TTC9C: variants seen among roughly 807,000 people sequenced by gnomAD.
TTC9C encodes tetratricopeptide repeat domain 9C, also known as tetratricopeptide repeat protein 9C.
Under a neutral mutation model 22.5 loss-of-function variants are expected in TTC9C, and 15 were observed. That is an observed-to-expected ratio of 0.67 (90% CI 0.45 to 1.03). TTC9C has a LOEUF of 1.03. TTC9C is among the 50% of genes least tolerant of loss of function. The probability of loss-of-function intolerance (pLI) is 0.00; values close to 1 mark genes in which losing one functional copy is unlikely to be tolerated. For missense variants in TTC9C, 244 were observed against 214.6 expected, an observed-to-expected ratio of 1.14 and a Z score of -0.86; for synonymous variants, 92 against 86.8, an observed-to-expected ratio of 1.06 and a Z score of -0.33.
Position 62,735,433 on chromosome 11 carries a change from G to C in TTC9C, c.290G>C (p.Ser97Thr). The C allele has an allele frequency of 6.2e-7, 1 of 1,614,120 alleles. No individual in the cohort carries two copies. Among genetic ancestry groups the C allele is most frequent in the African/African-American group, 1.3e-5 (1 of 75,024 alleles). ...AACTACGAACGAGTGAGAGAATATA[G>C]TCAGAAAGTCCTGGAACGACAGCCT... The part of the protein sequence containing the change: ...PVNYERVREY[S>T]QKVLERQPDN... The change falls in exon 2 of 3, where the codon AGT becomes ACT. Residue 97 changes from serine (S) to threonine (T), a missense_variant. Coordinates refer to ENST00000316461, the MANE Select transcript of TTC9C (RefSeq NM_173810.4).
Position 62,738,439 on chromosome 11 carries a change from A to G in TTC9C, c.*57A>G. The G allele has an allele frequency of 4.8e-6, 6 of 1,239,266 alleles. No homozygotes were observed. The highest frequency in any genetic ancestry group is 7.0e-6 in the Non-Finnish European group (6 of 857,318). The allele number at this position is 1,239,266 out of a possible 1,614,324, so 76.8% of individuals were successfully genotyped here. ...TAGGTGGACCATTAAACATGCATGA[A>G]GGAGAAATCTGAGCCTCAGCAAGAG... On this transcript the variant is annotated 3_prime_UTR_variant, in exon 3 of 3. Transcript: ENST00000316461.
intron 1 of TTC9C, among the ~76,000 whole-genome samples, chr11:62,731,441 A>G (rs928690797): frequency 1.3e-5 from 2 of 152,088 alleles, no homozygotes; most frequent in African/African-American, 4.8e-5. Context: ...TACAAAAAAT[A>G]CAAAAATTAG....
rs1006299249 is a variant in TTC9C, at chr11:62,728,772, C to T, written c.-77C>T. ...GCCTCCTTAAATTGGCTGCTACTGT[C>T]AGTTATTTTGCTCCCAACCCCAGAG... On this transcript the variant is annotated 5_prime_UTR_variant, in exon 1 of 3. Coordinates refer to ENST00000316461, the MANE Select transcript of TTC9C (RefSeq NM_173810.4). 16 of 1,421,962 alleles carry T rather than the reference C, an allele frequency of 1.1e-5. No homozygotes were observed. The highest frequency in any genetic ancestry group is 1.4e-5 in the Non-Finnish European group (14 of 1,009,228). 88.1% of individuals were successfully genotyped at this position (1,421,962 alleles called of 1,614,324 possible).
rs1164356686 is a variant in TTC9C at position 62,728,524 on chromosome 11, G to T, written c.-325G>T. 2.0e-6 allele frequency: 1 copy of T among 497,398 alleles called. No individual in the cohort carries two copies. The highest frequency in any genetic ancestry group is 3.9e-6 in the Non-Finnish European group (1 of 254,468). The allele number at this position is 497,398 out of a possible 1,614,324, so 30.8% of individuals were successfully genotyped here. A position where few individuals can be genotyped will look rare whatever the true frequency, so the allele number is the denominator to read the frequency against. ...TTCTCACGCCCGCAACAATTCCTGA[G>T]TAGGGCCTTGCTTGAGTTCTTCGGA... On this transcript the variant is annotated 5_prime_UTR_variant, in exon 1 of 3. Transcript: ENST00000316461.
In TTC9C at chr11:62,728,774, G is replaced by C. The variant is rs761574323; in HGVS notation, c.-75G>C. On this transcript the variant is annotated 5_prime_UTR_variant, in exon 1 of 3. Coordinates refer to ENST00000316461, the MANE Select transcript of TTC9C (RefSeq NM_173810.4). ...CTCCTTAAATTGGCTGCTACTGTCAGTTATTTTGCTCCCAACCCCAGAGCT... is the reference window on the plus strand; with the variant it reads ...CTCCTTAAATTGGCTGCTACTGTCACTTATTTTGCTCCCAACCCCAGAGCT... 27 of 1,470,930 alleles carry C rather than the reference G, an allele frequency of 1.8e-5. No homozygotes were observed. The highest frequency in any genetic ancestry group is 2.2e-5 in the Non-Finnish European group (23 of 1,053,420). 91.1% of individuals were successfully genotyped at this position (1,470,930 alleles called of 1,614,324 possible).
In TTC9C at chr11:62,735,486, G is replaced by A. The variant is rs1043150410; in HGVS notation, c.343G>A (p.Gly115Arg). 9.9e-6 allele frequency: 16 copies of A among 1,614,000 alleles called. No homozygotes were observed. The highest frequency in any genetic ancestry group is 3.3e-5 in the Admixed American group (2 of 59,972). Residue 115 changes from glycine to arginine, a missense_variant, in exon 2 of 3, where the codon GGA (glycine) becomes AGA (arginine). Transcript: ENST00000316461. Reference sequence around the variant, plus strand: ...TAATGCCAAGGCCTTGTATCGGGCCGGAGTGGCCTTTTTCCATCTGCAGGA... The same window carrying A: ...TAATGCCAAGGCCTTGTATCGGGCCAGAGTGGCCTTTTTCCATCTGCAGGA... The part of the protein sequence containing the change: ...PDNAKALYRA[G>R]VAFFHLQDYD...
rs547834033 is a variant in TTC9C, at chr11:62,729,093, A to AC, written c.238+8dup. 236 of 1,612,754 alleles carry AC rather than the reference A, an allele frequency of 1.5e-4. 6 individuals are homozygous for AC. In the South Asian group the frequency reaches 2.5e-3, roughly 17 times the overall value. On this transcript the variant is annotated splice_region_variant and intron_variant, in intron 1 of 2. Coordinates refer to ENST00000316461, the MANE Select transcript of TTC9C (RefSeq NM_173810.4). ...TGCTATAACAATCTAGCTGGTAAGAACGGGGCTAAAGGGTGGCTAGAGAGC... is the reference window on the plus strand; with the variant it reads ...TGCTATAACAATCTAGCTGGTAAGAACCGGGGCTAAAGGGTGGCTAGAGAGC...
At chr11:62,729,412 T>TTTTA (rs2083818888) in intron 1 of TTC9C, among the ~76,000 whole-genome samples, 6 of 120,348 alleles carry the variant, frequency 5.0e-5, no homozygotes, top group African/African-American at 1.7e-4. Flanking sequence ...ATTTTATTTT[T>TTTTA]TTTTGAGATG....
chr11:62,730,785 C>G (rs1031516718), intron 1 of TTC9C, among the ~76,000 whole-genome samples: 7 of 151,786 alleles, frequency 4.6e-5, no homozygotes, highest in African/African-American at 1.2e-4. Flanking sequence ...GTTGGTCAGA[C>G]TGGTCTCAAA....
At chr11:62,735,714 G>GATGAACAGACTTT (rs2083903865) in intron 2 of TTC9C, 150 bp downstream of exon 2, 3 of 1,356,774 alleles carry the variant, frequency 2.2e-6, no homozygotes, top group Non-Finnish European at 2.9e-6. Context: ...AAAAGTATAC[G>GATGAACAGACTTT]ATGAACAGAC....
intron 1 of TTC9C, among the ~76,000 whole-genome samples, chr11:62,730,105 C>T (rs2083830112): frequency 6.6e-6 from 1 of 152,086 alleles, no homozygotes; most frequent in African/African-American, 2.4e-5. Context: ...AGAAGAGCTT[C>T]GCTCTTGTTG....
rs559554430 is a variant in TTC9C at position 62,729,407 on chromosome 11, A to T, written c.238+321A>T. Among the ~76,000 whole-genome samples the T allele has an allele frequency of 3.4e-3, 282 of 82,000 alleles. 1 individual carries two copies. The highest frequency in any genetic ancestry group is 8.9e-3 in the African/African-American group (225 of 25,306). 53.8% of individuals were successfully genotyped at this position (82,000 alleles called of 152,430 possible). On this transcript the variant is annotated intron_variant, in intron 1 of 2. Coordinates refer to ENST00000316461, the MANE Select transcript of TTC9C (RefSeq NM_173810.4). ...ATTTTATTTTATTTTATTTTATTTT[A>T]TTTTTTTTTGAGATGGAGTCTCGCT...
chr11:62,728,866 G>A lies in TTC9C; in HGVS notation c.18G>A (p.Gln6=). ...CGACAGTTATGGAGAAGCGTCTGCA[G>A]GAGGCTCAGCTGTACAAGGAGGAAG... is the stretch of plus-strand genomic sequence containing the variant. MEKRL[Q]EAQLYKEEGN... The change falls in exon 1 of 3, where the codon CAG becomes CAA. Residue 6 remains glutamine, a synonymous_variant. Transcript: ENST00000316461. The A allele has an allele frequency of 6.2e-7, 1 of 1,614,158 alleles. No homozygotes were observed. The highest frequency in any genetic ancestry group is 8.5e-7 in the Non-Finnish European group (1 of 1,180,026).
chr11:62,734,815 C>T (rs2083892013), intron 1 of TTC9C, among the ~76,000 whole-genome samples: 1 of 152,072 alleles, frequency 6.6e-6, no homozygotes, highest in Non-Finnish European at 1.5e-5. Context: ...ATGTTCTTAC[C>T]AGCTTTATAG....
intron 1 of TTC9C, among the ~76,000 whole-genome samples, chr11:62,734,695 C>T (rs773301092): frequency 2.0e-5 from 3 of 152,158 alleles, no homozygotes; most frequent in Non-Finnish European, 4.4e-5. Flanking sequence ...GTTGCCCAGG[C>T]TGGTCTTGAA....
In TTC9C at chr11:62,728,486, A is replaced by G. The variant is rs769152478; in HGVS notation, c.-363A>G. On this transcript the variant is annotated 5_prime_UTR_variant, in exon 1 of 3. Coordinates refer to ENST00000316461, the MANE Select transcript of TTC9C (RefSeq NM_173810.4). ...CGGGTCCAATAGAAAGGCGGAAGCC[A>G]GTGTCCCAGGCGTTCTCACGCCCGC... The G allele has an allele frequency of 2.1e-6, 1 of 476,058 alleles. No homozygotes were observed. The highest frequency in any genetic ancestry group is 4.2e-6 in the Non-Finnish European group (1 of 240,312). 29.5% of individuals were successfully genotyped at this position (476,058 alleles called of 1,614,324 possible).
chr11:62,735,416 A>G lies in TTC9C; in HGVS notation c.273A>G (p.Glu91=). The change falls in exon 2 of 3, where the codon GAA becomes GAG. Residue 91 remains glutamate (E), a synonymous_variant. Transcript: ENST00000316461. ...TTCAGATGGAGCCCGTGAACTACGA[A>G]CGAGTGAGAGAATATAGTCAGAAAG... ...CLLQMEPVNY[E]RVREYSQKVL... is the part of the protein sequence containing the mutation. The G allele has an allele frequency of 6.2e-7, 1 of 1,614,120 alleles. No homozygotes were observed. Among genetic ancestry groups the G allele is most frequent in the Non-Finnish European group, 8.5e-7 (1 of 1,180,008 alleles).
At chr11:62,734,237 G>A (rs1293772542) in intron 1 of TTC9C, among the ~76,000 whole-genome samples, 1 of 151,846 alleles carries the variant, frequency 6.6e-6, no homozygotes, top group Non-Finnish European at 1.5e-5. Context: ...GGCGGAGGTT[G>A]CCGTGAGCTG....
At chr11:62,735,348 C>T in intron 1 of TTC9C, 34 bp from the exon 2 acceptor site, 12 of 1,608,950 alleles carry the variant, frequency 7.5e-6, no homozygotes, top group Non-Finnish European at 1.0e-5. Context: ...ACGAGCCCCT[C>T]CTACCTCTTC....
Sources: allele counts gnomAD v4.1 joint callset (sites outside exome capture counted in the v4.1 genomes callset), GRCh38; gene constraint gnomAD v4.1.1; transcripts MANE v1.5; gene names NCBI Gene and HGNC (gene_info 2026-07-23, HGNC 2026-07-21).